The following ABLIM1 variants were observed in gnomAD, a reference collection of about 807,000 sequenced individuals.
ABLIM1 encodes actin binding LIM protein 1, also known as actin-binding LIM protein 1.
In ABLIM1, 40 loss-of-function variants were observed where a neutral mutation model predicts 107.0. That is an observed-to-expected ratio of 0.37 (90% confidence interval 0.29 to 0.49). ABLIM1 has a LOEUF of 0.49. ABLIM1 is among the 20% of genes least tolerant of loss of function. The pLI is 0.97. For missense variants in ABLIM1, 857 were observed against 1,008.5 expected, an observed-to-expected ratio of 0.85 and a Z score of 2.04; for synonymous variants, 357 against 357.3, an observed-to-expected ratio of 1.00 and a Z score of 0.01.
chr10:114,710,679 G>A (rs775649733), intron 1 of ABLIM1, among the ~76,000 whole-genome samples: 16 of 152,196 alleles, frequency 1.1e-4, no homozygotes, highest in Non-Finnish European at 2.1e-4. Flanking sequence ...CTACTTGGGA[G>A]CTGGGGTGGG....
chr10:114,798,354 G>A, the ABLIM1 span, among the ~76,000 whole-genome samples: 1 of 152,010 alleles, frequency 6.6e-6, no homozygotes, highest in Non-Finnish European at 1.5e-5. Flanking sequence ...AACCCAGGAG[G>A]CAGAGGTTGC....
intron 6 of ABLIM1, among the ~76,000 whole-genome samples, chr10:114,498,698 G>T (rs879764085): frequency 1.3e-5 from 2 of 152,168 alleles, no homozygotes. Context: ...ATCAGAGAAG[G>T]ACATGATTTT....
At chr10:114,443,784 G>A (rs542297196) in intron 17 of ABLIM1, among the ~76,000 whole-genome samples, 1 of 151,948 alleles carries the variant, frequency 6.6e-6, no homozygotes, top group South Asian at 2.1e-4. Context: ...CCTAGTATAT[G>A]GGGATTGGCC....
At chr10:114,762,169 A>G (rs1201122632) in intron 1 of ABLIM1, among the ~76,000 whole-genome samples, 2 of 152,102 alleles carry the variant, frequency 1.3e-5, no homozygotes, top group East Asian at 1.9e-4. Flanking sequence ...CATAGCTGAG[A>G]CTACAGGCGC....
At chr10:114,711,933 C>A (rs189927579) in intron 1 of ABLIM1, among the ~76,000 whole-genome samples, 2 of 152,120 alleles carry the variant, frequency 1.3e-5, no homozygotes, top group Non-Finnish European at 2.9e-5. Context: ...CTGTAGCCAT[C>A]GGGGTTAGTC....
intron 1 of ABLIM1, among the ~76,000 whole-genome samples, chr10:114,694,604 A>C (rs2081157020): frequency 6.6e-6 from 1 of 152,102 alleles, no homozygotes; most frequent in Non-Finnish European, 1.5e-5. Context: ...TACCTACCTC[A>C]TGGGATGTTG....
intron 6 of ABLIM1, among the ~76,000 whole-genome samples, chr10:114,527,765 A>G (rs1322219001): frequency 1.3e-5 from 2 of 150,640 alleles, no homozygotes; most frequent in East Asian, 3.9e-4. Flanking sequence ...CCTGGGTCCA[A>G]GCGATTGTCC....
intron 1 of ABLIM1, among the ~76,000 whole-genome samples, chr10:114,725,807 C>T (rs1253060805): frequency 6.6e-6 from 1 of 150,986 alleles, no homozygotes; most frequent in Non-Finnish European, 1.5e-5. Context: ...CTCAGTGGTG[C>T]AATCACAGCT....
At position 114,532,733 on chromosome 10, in the gene ABLIM1, A is replaced by C. The variant is rs148223698; in HGVS notation, c.894+12272T>G. ...GAGAGGCCAAGCGTGTGGAATCACA[A>C]GGACAAAATCGAGCCAAGGTAGCTT... On this transcript the variant is annotated intron_variant, in intron 6 of 22. Transcript: ENST00000533213. Among the ~76,000 whole-genome samples, 9 of 152,352 alleles carry C rather than the reference A, an allele frequency of 5.9e-5. 1 individual carries two copies. In the East Asian group the frequency reaches 1.7e-3, roughly 29 times the overall value.
chr10:114,676,354 G>A (rs573874771), intron 1 of ABLIM1, among the ~76,000 whole-genome samples: 38 of 152,242 alleles, frequency 2.5e-4, no homozygotes, highest in Non-Finnish European at 4.4e-4. Flanking sequence ...GTGCGTGACT[G>A]TAATCCCAGC....
intron 1 of ABLIM1, among the ~76,000 whole-genome samples, chr10:114,625,110 G>A (rs1403921715): frequency 6.6e-6 from 1 of 152,088 alleles, no homozygotes; most frequent in Non-Finnish European, 1.5e-5. Flanking sequence ...GACCTTGTTG[G>A]TGGTGTCCCC....
At chr10:114,662,870 T>C (rs149054792), upstream of ABLIM1, among the ~76,000 whole-genome samples, 44 of 152,324 alleles carry the variant, frequency 2.9e-4, no homozygotes, top group South Asian at 3.7e-3. Flanking sequence ...ATAGGCAACG[T>C]TCCCAAAGAG....
chr10:114,499,885 A>T (rs1309742665), intron 6 of ABLIM1, among the ~76,000 whole-genome samples: 1 of 152,210 alleles, frequency 6.6e-6, no homozygotes, highest in Non-Finnish European at 1.5e-5. Context: ...TTCACCCTCA[A>T]CTGGGAGAGG....
intron 1 of ABLIM1, among the ~76,000 whole-genome samples, chr10:114,753,101 G>C (rs2082553317): frequency 6.6e-6 from 1 of 152,220 alleles, no homozygotes; most frequent in Admixed American, 6.5e-5. Flanking sequence ...TAAATGAAGT[G>C]AGGGGGAGTC....
At position 114,436,941 on chromosome 10, in the gene ABLIM1, A is replaced by G. The variant is rs112514195; in HGVS notation, c.2224-568T>C. Among the ~76,000 whole-genome samples, 968 of 152,110 alleles carry G rather than the reference A, an allele frequency of 6.4e-3. 4 individuals are homozygous for G. The highest frequency in any genetic ancestry group is 9.8e-3 in the African/African-American group (406 of 41,494). On this transcript the variant is annotated intron_variant, in intron 22 of 22. Transcript: ENST00000533213. ...GGAAAAAGTAAGCATTCTTTCGGAG[A>G]CTGGCAGCCAGGGTTTTTCTTAATT...
chr10:114,453,599 G>A (rs2062259425), intron 12 of ABLIM1, 116 bp from the exon 13 acceptor site: 1 of 866,870 alleles, frequency 1.2e-6, no homozygotes, highest in Non-Finnish European at 1.7e-6. Context: ...CATCAAAAAG[G>A]AGAAACAAAA....
the ABLIM1 span, among the ~76,000 whole-genome samples, chr10:114,773,751 C>T: frequency 6.6e-6 from 1 of 151,850 alleles, no homozygotes; most frequent in Admixed American, 6.6e-5. Context: ...AAAAAAATTG[C>T]ATGAACAGCA....
chr10:114,542,760 C>G (rs1258565035), intron 6 of ABLIM1, among the ~76,000 whole-genome samples: 1 of 152,170 alleles, frequency 6.6e-6, no homozygotes, highest in Non-Finnish European at 1.5e-5. Flanking sequence ...GAGAAGAGCT[C>G]TCTGGGGAGG....
intron 1 of ABLIM1, among the ~76,000 whole-genome samples, chr10:114,630,928 T>C (rs1383288961): frequency 1.3e-5 from 2 of 152,320 alleles, no homozygotes; most frequent in East Asian, 1.9e-4. Flanking sequence ...AAAATGATCA[T>C]AGAATGATTC....
Sources: gnomAD v4.1 joint callset for allele counts (sites outside exome capture counted in the v4.1 genomes callset) on GRCh38, gnomAD v4.1.1 for gene constraint, MANE v1.5 for transcripts, NCBI Gene and HGNC (gene_info 2026-07-23, HGNC 2026-07-21) for gene names.